The following TAF5 variants were observed in gnomAD, a reference collection of about 807,000 sequenced individuals.
TAF5 encodes TATA-box binding protein associated factor 5.
TAF5 carries 20 observed loss-of-function variants against 80.9 expected under a neutral mutation model. The ratio of observed to expected loss-of-function variants is 0.25; its 90% confidence interval spans 0.17 to 0.36. TAF5 has a LOEUF of 0.36. Among genes scored for constraint, TAF5 ranks in the 10% least tolerant of loss-of-function variants. TAF5 has a pLI of 1.00. For synonymous variants in TAF5, 388 were observed against 406.4 expected (o/e 0.95, Z 0.55); for missense variants, 863 against 1,029.4 (o/e 0.84, Z 2.21).
chr10:103,381,258 A>G (rs2093382250), intron 5 of TAF5, among the ~76,000 whole-genome samples: 1 of 146,150 alleles, frequency 6.8e-6, no homozygotes, highest in African/African-American at 2.6e-5. Flanking sequence ...CAAACTTAGT[A>G]TTTTATTTTA....
chr10:103,380,098 AT>A, intron 5 of TAF5, 79 bp downstream of exon 5: 1 of 1,431,016 alleles, frequency 7.0e-7, no homozygotes. Flanking sequence ...AAACAAATGT[AT>A]TAGCTAAAAT....
rs769799689 is a variant in TAF5, at chr10:103,368,318, G to T, written c.329G>T (p.Arg110Leu). 5.7e-6 allele frequency: 9 copies of T among 1,584,162 alleles called. No individual in the cohort carries two copies. In the South Asian group the frequency reaches 1.0e-4, roughly 18 times the overall value. The change falls in exon 1 of 11, where the codon CGC (arginine) becomes CTC (leucine). Residue 110 changes from arginine to leucine, a missense_variant. Coordinates refer to ENST00000369839, the MANE Select transcript of TAF5 (RefSeq NM_006951.5). ...VLQFLRQSKL[R>L]EAEEALRREA... is the part of the protein sequence containing the mutation. Reference sequence around the variant, plus strand: ...CAGTTCCTACGGCAGAGCAAACTCCGCGAGGCCGAAGAGGCGCTGCGCCGT... The same window carrying T: ...CAGTTCCTACGGCAGAGCAAACTCCTCGAGGCCGAAGAGGCGCTGCGCCGT...
Position 103,385,469 on chromosome 10 carries a change from G to T in TAF5, c.1808G>T (p.Gly603Val). ...FSPYGYYFVS[G>V]GHDRVARLWA... ...CCATATGGATATTATTTTGTGTCAG[G>T]GGGCCATGACCGAGTAGCTCGGTAA... The change falls in exon 8 of 11, where the codon GGG (glycine) becomes GTG (valine). Residue 603 changes from glycine (G) to valine (V), a missense_variant. Gly to Val is a moderately radical substitution (Grantham distance 109). This residue lies in a region of TAF5 where 368 missense variants were observed against 461.7 expected (regional missense o/e 0.80). Transcript: ENST00000369839. 1.2e-6 allele frequency: 2 copies of T among 1,613,982 alleles called. No homozygotes were observed. Among genetic ancestry groups the T allele is most frequent in the Non-Finnish European group, 1.7e-6 (2 of 1,179,976 alleles).
chr10:103,385,946 A>AG (rs1280622929), intron 8 of TAF5, among the ~76,000 whole-genome samples: 10 of 151,284 alleles, frequency 6.6e-5, no homozygotes, highest in Middle Eastern at 6.9e-3. Context: ...AAAAAAAAAA[A>AG]AAAAAGAAAA....
intron 7 of TAF5, 33 bp from the exon 8 acceptor site, chr10:103,385,293 G>A: frequency 6.3e-7 from 1 of 1,579,570 alleles, no homozygotes; most frequent in Non-Finnish European, 8.6e-7. Context: ...AGGTTACTCT[G>A]GGAGTCAAAT....
In TAF5 at chr10:103,379,753, A is replaced by G. The variant is rs1227665888; in HGVS notation, c.1259A>G (p.Asn420Ser). The change falls in exon 4 of 11, where the codon AAT (asparagine) becomes AGT (serine). Residue 420 changes from asparagine (N) to serine (S), a missense_variant. This residue lies in a region of TAF5 where 368 missense variants were observed against 461.7 expected (regional missense o/e 0.80). Transcript: ENST00000369839. ...IGSKSKKQDP[N>S]APPQNRIPLP... Reference sequence around the variant, plus strand: ...TCCAAAAGCAAAAAACAAGATCCCAATGCTCCACCTCAGAACAGGTGAGGA... The same window carrying G: ...TCCAAAAGCAAAAAACAAGATCCCAGTGCTCCACCTCAGAACAGGTGAGGA... The G allele has an allele frequency of 6.2e-7, 1 of 1,600,064 alleles. No homozygotes were observed. The highest frequency in any genetic ancestry group is 1.2e-5 in the South Asian group (1 of 86,752).
At chr10:103,381,160 G>A (rs2133632934) in intron 5 of TAF5, among the ~76,000 whole-genome samples, 1 of 152,090 alleles carries the variant, frequency 6.6e-6, no homozygotes, top group East Asian at 1.9e-4. Flanking sequence ...GGTTGACCAG[G>A]CTGGACTTGA....
Position 103,369,007 on chromosome 10 carries a change from C to T in TAF5, c.559+459C>T, listed in dbSNP as rs535396646. Among the ~76,000 whole-genome samples, 5 of 144,728 alleles carry T rather than the reference C, an allele frequency of 3.5e-5. No individual in the cohort carries two copies. The East Asian group carries it at 1.0e-3, about 29-fold the overall frequency. The allele number at this position is 144,728 out of a possible 152,430, so 94.9% of individuals were successfully genotyped here. A position where few individuals can be genotyped will look rare whatever the true frequency, so the allele number is the denominator to read the frequency against. The stretch of plus-strand genomic sequence containing the variant: ...ATTTTTTTTTTTTTTGAGACGGAAA[C>T]TTGCTCTGTTGCCCAGGTTGGAGTG... On this transcript the variant is annotated intron_variant, in intron 1 of 10. Transcript: ENST00000369839.
intron 2 of TAF5, among the ~76,000 whole-genome samples, chr10:103,377,648 G>C (rs2093372881): frequency 6.6e-6 from 1 of 152,068 alleles, no homozygotes; most frequent in Non-Finnish European, 1.5e-5. Context: ...CTTCCACTTT[G>C]TTGTTTAGTG....
chr10:103,373,338 G>A lies in TAF5; in HGVS notation c.560-20G>A. 1 of 1,607,468 alleles carries A rather than the reference G, an allele frequency of 6.2e-7. No individual in the cohort carries two copies. The highest frequency in any genetic ancestry group is 1.1e-5 in the South Asian group (1 of 90,212). ...GTCATAATAGGTCATTTTCTTAAAA[G>A]TTTTTTGTTTTTTAAATAGTTGGAA... is the stretch of plus-strand genomic sequence containing the variant. On this transcript the variant is annotated intron_variant, in intron 1 of 10. Transcript: ENST00000369839.
At chr10:103,372,561 C>T (rs1464619099) in intron 1 of TAF5, among the ~76,000 whole-genome samples, 1 of 149,968 alleles carries the variant, frequency 6.7e-6, no homozygotes, top group African/African-American at 2.4e-5. Context: ...GCCTCGATCT[C>T]CTGACCTCGT....
chr10:103,375,087 C>T (rs985814853), intron 2 of TAF5, among the ~76,000 whole-genome samples: 3 of 133,962 alleles, frequency 2.2e-5, no homozygotes, highest in African/African-American at 8.3e-5. Context: ...TCTCTGCACT[C>T]TAGCCTAGAT....
chr10:103,369,561 C>T (rs2093354288), intron 1 of TAF5, among the ~76,000 whole-genome samples: 1 of 151,862 alleles, frequency 6.6e-6, no homozygotes, highest in Admixed American at 6.6e-5. Flanking sequence ...GATGGGGTTT[C>T]GCCATATTGG....
chr10:103,383,173 TATG>T, intron 6 of TAF5, 62 bp from the exon 7 acceptor site: 2 of 1,423,612 alleles, frequency 1.4e-6, no homozygotes. Context: ...TGCACTGTGA[TATG>T]ATTACTTTAA....
In TAF5 at chr10:103,385,350, G is replaced by A. The variant is rs905735165; in HGVS notation, c.1689G>A (p.Glu563=). The A allele has an allele frequency of 1.2e-6, 2 of 1,612,946 alleles. No individual in the cohort carries two copies. The highest frequency in any genetic ancestry group is 3.3e-5 in the Admixed American group (2 of 60,020). The part of the protein sequence containing the change: ...PDRNYLLSSS[E]DGTVRLWSLQ... ...GGAACTATCTGCTTTCCTCTTCAGA[G>A]GACGGAACTGTTAGATTGTGGAGCC... is the stretch of plus-strand genomic sequence containing the variant. The change falls in exon 8 of 11, where the codon GAG becomes GAA. Residue 563 remains glutamate (E), a synonymous_variant. Transcript: ENST00000369839.
chr10:103,387,220 C>A lies in TAF5; in HGVS notation c.1875C>A (p.Gly625=). 1 of 1,614,096 alleles carries A rather than the reference C, an allele frequency of 6.2e-7. No individual in the cohort carries two copies. The highest frequency in any genetic ancestry group is 8.5e-7 in the Non-Finnish European group (1 of 1,180,024). Residue 625 remains glycine (G), a synonymous_variant, in exon 9 of 11, where the codon GGC becomes GGA. Transcript: ENST00000369839. Reference sequence around the variant, plus strand: ...ATCAGCCTTTAAGAATATTTGCCGGCCATCTTGCTGATGTGAATTGTACCA... The same window carrying A: ...ATCAGCCTTTAAGAATATTTGCCGGACATCTTGCTGATGTGAATTGTACCA... ...DHYQPLRIFA[G]HLADVNCTRF... is the part of the protein sequence containing the mutation.
At chr10:103,372,294 G>C (rs1191268888) in intron 1 of TAF5, among the ~76,000 whole-genome samples, 6 of 150,316 alleles carry the variant, frequency 4.0e-5, no homozygotes, top group Non-Finnish European at 7.4e-5. Context: ...GATGAAACAA[G>C]TGAAAAAAAT....
chr10:103,371,472 G>A (rs2093359381), intron 1 of TAF5, among the ~76,000 whole-genome samples: 1 of 152,098 alleles, frequency 6.6e-6, no homozygotes, highest in Admixed American at 6.6e-5. Flanking sequence ...TACTATAATG[G>A]CAACTTACAG....
chr10:103,384,709 G>T (rs1484916676), intron 7 of TAF5, among the ~76,000 whole-genome samples: 2 of 152,138 alleles, frequency 1.3e-5, no homozygotes, highest in African/African-American at 4.8e-5. Context: ...TGAGAATTAG[G>T]TTTTTTGTTG....
Sources: gnomAD v4.1 joint callset for allele counts (sites outside exome capture counted in the v4.1 genomes callset) on GRCh38, gnomAD v4.1.1 for gene constraint, gnomAD v4.1.1 regional missense constraint, MANE v1.5 for transcripts, NCBI Gene and HGNC (gene_info 2026-07-23, HGNC 2026-07-21) for gene names.